Variants in TRIM29 observed in about 807,000 individuals in gnomAD.
The protein encoded by TRIM29 is tripartite motif containing 29, also known as tripartite motif-containing protein 29.
Under a neutral mutation model 57.3 loss-of-function variants are expected in TRIM29, and 52 were observed. The ratio of observed to expected loss-of-function variants is 0.91; its 90% confidence interval spans 0.73 to 1.14. The LOEUF is 1.14. Among genes scored for constraint, TRIM29 ranks in the 50% most tolerant of loss-of-function variants. TRIM29 has a pLI of 0.00. For missense variants in TRIM29, 753 were observed against 774.6 expected, an observed-to-expected ratio of 0.97 and a Z score of 0.33; for synonymous variants, 319 against 316.9, an observed-to-expected ratio of 1.01 and a Z score of -0.07.
At chr11:120,121,776 A>G (rs1863453597) in intron 5 of TRIM29, 5 of 293,678 alleles carry the variant, frequency 1.7e-5, no homozygotes, top group Non-Finnish European at 3.5e-5. Context: ...AGTCTCCTAC[A>G]GAGCAGGAGA....
intron 8 of TRIM29, chr11:120,113,768 A>G: frequency 4.5e-6 from 2 of 442,952 alleles, no homozygotes; most frequent in Admixed American, 5.0e-5. Context: ...CTGGACCCCA[A>G]GCAATTCATA....
At chr11:120,131,842 A>G (rs1228949238) in intron 1 of TRIM29, among the ~76,000 whole-genome samples, 1 of 149,464 alleles carries the variant, frequency 6.7e-6, no homozygotes, top group Non-Finnish European at 1.5e-5. Flanking sequence ...CAACACTAGG[A>G]GAGGGAAGGA....
Position 120,125,391 on chromosome 11 carries a change from G to A in TRIM29, c.1333+300C>T, listed in dbSNP as rs1023179650. The A allele has an allele frequency of 2.9e-5, 12 of 420,252 alleles. No individual in the cohort carries two copies. In the South Asian group the frequency reaches 2.9e-4, roughly 10 times the overall value. 26.0% of individuals were successfully genotyped at this position (420,252 alleles called of 1,614,324 possible). The stretch of plus-strand genomic sequence containing the variant: ...CCGGCAATTAGATGTAGATCTGAAC[G>A]AAACCAGTCTCTGAGTTTGATGGAC... On this transcript the variant is annotated intron_variant, in intron 4 of 8. Coordinates refer to ENST00000341846, the MANE Select transcript of TRIM29 (RefSeq NM_012101.4).
intron 6 of TRIM29, among the ~76,000 whole-genome samples, chr11:120,119,352 G>A (rs1863373080): frequency 6.6e-6 from 1 of 152,176 alleles, no homozygotes; most frequent in Non-Finnish European, 1.5e-5. Context: ...GGAGGGCTGG[G>A]GGCTGACTTT....
At chr11:120,128,251 G>A in intron 2 of TRIM29, 149 bp downstream of exon 2, 1 of 648,858 alleles carries the variant, frequency 1.5e-6, no homozygotes. Context: ...GGGAGTTGGT[G>A]AGAATGTCAG....
intron 8 of TRIM29, among the ~76,000 whole-genome samples, chr11:120,112,832 A>G (rs1435341336): frequency 9.8e-5 from 15 of 152,320 alleles, no homozygotes; most frequent in South Asian, 6.2e-4. Flanking sequence ...AGAACTTCAC[A>G]GCACTGTGTC....
chr11:120,119,021 T>C (rs887551743), intron 6 of TRIM29, among the ~76,000 whole-genome samples: 2 of 152,196 alleles, frequency 1.3e-5, no homozygotes, highest in African/African-American at 4.8e-5. Context: ...AAGGTGCTCA[T>C]TGTATGGTTG....
intron 1 of TRIM29, among the ~76,000 whole-genome samples, chr11:120,133,680 G>T (rs555363761): frequency 6.6e-5 from 10 of 152,200 alleles, no homozygotes; most frequent in Non-Finnish European, 1.0e-4. Flanking sequence ...AGCTTTCCTG[G>T]GCAGACCAGC....
At position 120,118,307 on chromosome 11, in the gene TRIM29, G is replaced by C. The variant is rs1047940612; in HGVS notation, c.1543C>G (p.Arg515Gly). 1 of 1,612,808 alleles carries C rather than the reference G, an allele frequency of 6.2e-7. No homozygotes were observed. The highest frequency in any genetic ancestry group is 8.5e-7 in the Non-Finnish European group (1 of 1,179,446). Residue 515 changes from arginine (R) to glycine (G), a missense_variant, in exon 7 of 9, where the codon CGG becomes GGG. Transcript: ENST00000341846. The part of the protein sequence containing the change: ...LYGTKGNYTS[R>G]VWEYSSSIQN... Reference sequence around the variant, plus strand: ...ATGCTGGAGGAGTACTCCCAGACCCGGGAGGTGTAGTTACCTGGCAGGACA... The same window carrying C: ...ATGCTGGAGGAGTACTCCCAGACCCCGGAGGTGTAGTTACCTGGCAGGACA...
Position 120,133,143 on chromosome 11 carries a change from G to A in TRIM29, c.804+4085C>T, listed in dbSNP as rs143604866. 4.6e-4 allele frequency among the ~76,000 whole-genome samples: 70 copies of A among 152,290 alleles called. No homozygotes were observed. The East Asian group carries it at 0.012, about 27-fold the overall frequency. On this transcript the variant is annotated intron_variant, in intron 1 of 8. Transcript: ENST00000341846. ...GCTACACATTAGAATTCTCTAGGGA[G>A]ACCTTTAAAATACCTCCTGGGCTAA... is the stretch of plus-strand genomic sequence containing the variant.
intron 4 of TRIM29, chr11:120,123,836 C>T: frequency 3.6e-6 from 1 of 277,928 alleles, no homozygotes; most frequent in Non-Finnish European, 7.0e-6. Context: ...AGCAGATACT[C>T]AAAGAATAAA....
chr11:120,127,455 C>A lies in TRIM29; in HGVS notation c.1015G>T (p.Ala339Ser). 1 of 1,614,204 alleles carries A rather than the reference C, an allele frequency of 6.2e-7. No individual in the cohort carries two copies. Among genetic ancestry groups the A allele is most frequent in the Non-Finnish European group, 8.5e-7 (1 of 1,180,036 alleles). The change falls in exon 3 of 9, where the codon GCT becomes TCT. Residue 339 changes from alanine (A) to serine (S), a missense_variant. Ala to Ser is a moderately conservative substitution (Grantham distance 99). Transcript: ENST00000341846. Reference protein sequence around the residue: ...RAALEQREQDAVDQVKVIMDA... With the variant: ...RAALEQREQDSVDQVKVIMDA... ...ATGATCACCTTCACTTGGTCCACAG[C>A]ATCCTGCTCCCGCTGCTCCAGCGCA...
At position 120,137,171 on chromosome 11, in the gene TRIM29, G is replaced by A; in HGVS notation, c.804+57C>T. ...GCCCGAGTGGAGAAGATGAAGTTCG[G>A]AGGGGTGGGGTGAGAGAGGAGAGGC... On this transcript the variant is annotated intron_variant, in intron 1 of 8. Coordinates refer to ENST00000341846, the MANE Select transcript of TRIM29 (RefSeq NM_012101.4). This position sits in a 1 kb window ranked among gnomAD's most constrained non-coding sequence, Gnocchi z 6.2. 6.3e-7 allele frequency: 1 copy of A among 1,582,498 alleles called. No homozygotes were observed. The highest frequency in any genetic ancestry group is 1.1e-5 in the South Asian group (1 of 88,854).
Position 120,138,113 on chromosome 11 carries a change from T to C in TRIM29, c.-82A>G, listed in dbSNP as rs975976088. ...TTCTGGCAGGCGTCTCGGCAGGGAG[T>C]GGGGCAGGCAACCACGAGGACTAGA... On this transcript the variant is annotated 5_prime_UTR_variant, in exon 1 of 9. Coordinates refer to ENST00000341846, the MANE Select transcript of TRIM29 (RefSeq NM_012101.4). 2.3e-6 allele frequency: 3 copies of C among 1,303,648 alleles called. No homozygotes were observed. The highest frequency in any genetic ancestry group is 3.0e-6 in the Non-Finnish European group (3 of 1,008,980). The allele number at this position is 1,303,648 out of a possible 1,614,324, so 80.8% of individuals were successfully genotyped here. A position where few individuals can be genotyped will look rare whatever the true frequency, so the allele number is the denominator to read the frequency against.
chr11:120,113,240 G>A (rs1300881640), intron 8 of TRIM29, among the ~76,000 whole-genome samples: 3 of 152,138 alleles, frequency 2.0e-5, no homozygotes, highest in Admixed American at 2.0e-4. Context: ...GAGCATCTCT[G>A]GAGAGAGAGC....
At chr11:120,112,843 G>A (rs1863168898) in intron 8 of TRIM29, among the ~76,000 whole-genome samples, 1 of 152,130 alleles carries the variant, frequency 6.6e-6, no homozygotes, top group South Asian at 2.1e-4. Context: ...GCACTGTGTC[G>A]AGGGCTGTAT....
intron 8 of TRIM29, chr11:120,113,629 G>A (rs1411674571): frequency 2.2e-6 from 1 of 456,098 alleles, no homozygotes; most frequent in Non-Finnish European, 4.4e-6. Context: ...CAGGACTTGA[G>A]GGATGCTCAG....
rs752482119 is a variant in TRIM29, at chr11:120,118,204, C to A, written c.1627+19G>T. On this transcript the variant is annotated intron_variant, in intron 7 of 8. Transcript: ENST00000341846. ...AGGCAGCTGTGGAGGAAAGCAGGGG[C>A]CAGGGTGGGCAAGCTCACCTTTCAG... 20 of 1,608,736 alleles carry A rather than the reference C, an allele frequency of 1.2e-5. No individual in the cohort carries two copies. The highest frequency in any genetic ancestry group is 3.3e-4 in the Middle Eastern group (2 of 5,992).
chr11:120,118,258 G>C lies in TRIM29; in HGVS notation c.1592C>G (p.Pro531Arg). 1 of 1,614,032 alleles carries C rather than the reference G, an allele frequency of 6.2e-7. No homozygotes were observed. Among genetic ancestry groups the C allele is most frequent in the Non-Finnish European group, 8.5e-7 (1 of 1,179,974 alleles). ...GAAGGAGGAGCTGCCTTGGACGACG[G>C]GCAGGTCATTGTCAGAGTTCTGAAT... ...SSIQNSDNDLPVVQGSSSFSL... is the reference protein window; with the variant it reads ...SSIQNSDNDLRVVQGSSSFSL... Residue 531 changes from proline to arginine, a missense_variant, in exon 7 of 9, where the codon CCC (proline) becomes CGC (arginine). Pro to Arg is a moderately radical substitution (Grantham distance 103). Transcript: ENST00000341846.
Sources: allele counts gnomAD v4.1 joint callset (sites outside exome capture counted in the v4.1 genomes callset), GRCh38; gene constraint gnomAD v4.1.1; non-coding constraint Gnocchi (gnomAD v3.1); transcripts MANE v1.5; gene names NCBI Gene and HGNC (gene_info 2026-07-23, HGNC 2026-07-21).